DIP2B: variants seen among roughly 807,000 people sequenced by gnomAD.
DIP2B encodes the protein DIP2 acetate--CoA ligase B (putative), also known as disco-interacting protein 2 homolog B.
In DIP2B, 76 loss-of-function variants were observed where a neutral mutation model predicts 198.0. That is an observed-to-expected ratio of 0.38 (90% CI 0.32 to 0.46). DIP2B has a LOEUF of 0.46. DIP2B is among the 20% of genes least tolerant of loss of function. The pLI is 0.99. For missense variants in DIP2B, 1,559 were observed against 1,978.4 expected (o/e 0.79, Z 4.02); for synonymous variants, 701 against 739.1 (o/e 0.95, Z 0.84).
chr12:50,704,562 C>T (rs1483323635), intron 20 of DIP2B, among the ~76,000 whole-genome samples: 1 of 152,108 alleles, frequency 6.6e-6, no homozygotes, highest in Non-Finnish European at 1.5e-5. Context: ...TAGAAGAGTG[C>T]TGGAAAAAGT....
rs1276541154 is a variant in DIP2B at position 50,660,267 on chromosome 12, C to G, written c.375C>G (p.Thr125=). 2 of 1,613,032 alleles carry G rather than the reference C, an allele frequency of 1.2e-6. No homozygotes were observed. The highest frequency in any genetic ancestry group is 2.7e-5 in the African/African-American group (2 of 74,908). The change falls in exon 4 of 38, where the codon ACC becomes ACG. Residue 125 remains threonine, a synonymous_variant. Transcript: ENST00000301180. ...AGAAGATGGCTTTGCCCATGCCAAC[C>G]AAAAGGCGATCCACATTTGTTCAGT... ...KEQKMALPMP[T]KRRSTFVQSP...
At chr12:50,624,269 TAA>T (rs1473245891) in intron 1 of DIP2B, among the ~76,000 whole-genome samples, 1 of 152,158 alleles carries the variant, frequency 6.6e-6, no homozygotes, top group Non-Finnish European at 1.5e-5. Context: ...GTCCTAAGCT[TAA>T]CTCTTTTCTT....
At position 50,727,602 on chromosome 12, in the gene DIP2B, A is replaced by T. The variant is rs1019219774; in HGVS notation, c.3401-101A>T. The T allele has an allele frequency of 2.1e-5, 21 of 1,017,512 alleles. No homozygotes were observed. In the African/African-American group the frequency reaches 2.4e-4, roughly 12 times the overall value. The allele number at this position is 1,017,512 out of a possible 1,614,324, so 63.0% of individuals were successfully genotyped here. On this transcript the variant is annotated intron_variant, in intron 28 of 37. Transcript: ENST00000301180. ...ATATGAGAGGCCTAAGCTTTAGCAA[A>T]TCTGCGAAGCTAAATTTGGCCATAG...
chr12:50,729,656 A>G (rs1017549473), intron 30 of DIP2B, among the ~76,000 whole-genome samples: 2 of 151,566 alleles, frequency 1.3e-5, no homozygotes, highest in African/African-American at 4.8e-5. Flanking sequence ...CATTGTGTTG[A>G]TAGTTCTTCC....
chr12:50,706,489 T>A lies in DIP2B; in HGVS notation c.2407-49T>A, dbSNP rs762742952. 27 of 1,595,016 alleles carry A rather than the reference T, an allele frequency of 1.7e-5. No homozygotes were observed. In the South Asian group the frequency reaches 2.2e-4, roughly 13 times the overall value. ...AGGCAGGAAGTTAAAAGATGTCTGTTTTACTATTTAAATCATGGAAATCAA... is the reference window on the plus strand; with the variant it reads ...AGGCAGGAAGTTAAAAGATGTCTGTATTACTATTTAAATCATGGAAATCAA... On this transcript the variant is annotated intron_variant, in intron 20 of 37. Transcript: ENST00000301180.
chr12:50,640,988 A>G lies in DIP2B; in HGVS notation c.301+136A>G, dbSNP rs562600296. The G allele has an allele frequency of 6.2e-5, 69 of 1,117,344 alleles. No individual in the cohort carries two copies. In the Admixed American group the frequency reaches 7.6e-4, roughly 12 times the overall value. The allele number at this position is 1,117,344 out of a possible 1,614,324, so 69.2% of individuals were successfully genotyped here. A position where few individuals can be genotyped will look rare whatever the true frequency, so the allele number is the denominator to read the frequency against. ...CAGTTTTATATTAACTCATTCACCA[A>G]TCATTTATTTTGTACCCTACTATGT... On this transcript the variant is annotated intron_variant, in intron 3 of 37. Coordinates refer to ENST00000301180, the MANE Select transcript of DIP2B (RefSeq NM_173602.3).
At chr12:50,592,831 A>G (rs1958831536) in intron 1 of DIP2B, among the ~76,000 whole-genome samples, 2 of 152,098 alleles carry the variant, frequency 1.3e-5, no homozygotes, top group Admixed American at 6.5e-5. Flanking sequence ...TTTTTATAAG[A>G]TCGTGCACCT....
Position 50,505,215 on chromosome 12 carries a change from G to A in DIP2B, c.75G>A (p.Ala25=), listed in dbSNP as rs1957955649. The A allele has an allele frequency of 2.6e-6, 4 of 1,519,502 alleles. No homozygotes were observed. The highest frequency in any genetic ancestry group is 3.5e-6 in the Non-Finnish European group (4 of 1,139,514). The allele number at this position is 1,519,502 out of a possible 1,614,324, so 94.1% of individuals were successfully genotyped here. The change falls in exon 1 of 38, where the codon GCG becomes GCA. Residue 25 remains alanine (A), a synonymous_variant. Coordinates refer to ENST00000301180, the MANE Select transcript of DIP2B (RefSeq NM_173602.3). ...ALPPEVRAQL[A]ELELELSEGD... ...CGCCTGAAGTGCGGGCGCAGCTGGC[G>A]GAGCTGGAGCTGGAGCTCTCGGAGG...
intron 1 of DIP2B, among the ~76,000 whole-genome samples, chr12:50,606,539 G>A (rs1593651102): frequency 1.3e-5 from 2 of 152,176 alleles, no homozygotes; most frequent in Admixed American, 1.3e-4. Flanking sequence ...ATGATGCTAT[G>A]AACATGGGTG....
chr12:50,719,353 G>GT (rs1282740411), intron 25 of DIP2B, among the ~76,000 whole-genome samples: 1 of 152,136 alleles, frequency 6.6e-6, no homozygotes, highest in African/African-American at 2.4e-5. Flanking sequence ...ATGTCATACA[G>GT]TTTTTTTACC....
At chr12:50,513,937 G>GT (rs1207215138) in intron 1 of DIP2B, among the ~76,000 whole-genome samples, 1 of 151,316 alleles carries the variant, frequency 6.6e-6, no homozygotes, top group Non-Finnish European at 1.5e-5. Context: ...ACCAGCCTCC[G>GT]TGAGTCCTCT....
At chr12:50,735,839 G>A (rs1317580684) in intron 34 of DIP2B, among the ~76,000 whole-genome samples, 3 of 152,194 alleles carry the variant, frequency 2.0e-5, no homozygotes, top group Non-Finnish European at 4.4e-5. Context: ...GGTCAGGGAA[G>A]ACACACATGC....
chr12:50,588,368 T>C (rs970047855), intron 1 of DIP2B, among the ~76,000 whole-genome samples: 7 of 152,096 alleles, frequency 4.6e-5, no homozygotes, highest in Non-Finnish European at 7.4e-5. Flanking sequence ...CAGGCTGGTC[T>C]TGAACTCCTC....
intron 1 of DIP2B, among the ~76,000 whole-genome samples, chr12:50,562,166 G>A (rs1423381233): frequency 6.6e-6 from 1 of 152,120 alleles, no homozygotes; most frequent in African/African-American, 2.4e-5. Context: ...ACAAAGAGGT[G>A]GAGAAGAAGG....
At chr12:50,705,542 C>T in intron 20 of DIP2B, among the ~76,000 whole-genome samples, 1 of 152,226 alleles carries the variant, frequency 6.6e-6, no homozygotes, top group East Asian at 1.9e-4. Flanking sequence ...CTGAACTAGT[C>T]CTGCAGCCAC....
intron 3 of DIP2B, among the ~76,000 whole-genome samples, chr12:50,645,247 G>A (rs1465712881): frequency 6.6e-6 from 1 of 152,120 alleles, no homozygotes; most frequent in African/African-American, 2.4e-5. Flanking sequence ...AAATAGTCAT[G>A]TTCTTTATCC....
intron 35 of DIP2B, among the ~76,000 whole-genome samples, chr12:50,738,804 G>A (rs1321858467): frequency 6.6e-6 from 1 of 152,120 alleles, no homozygotes; most frequent in Admixed American, 6.5e-5. Flanking sequence ...TTAAATGTTA[G>A]TAGTAGCACC....
At chr12:50,601,330 TA>T (rs1208960302) in intron 1 of DIP2B, among the ~76,000 whole-genome samples, 1 of 143,070 alleles carries the variant, frequency 7.0e-6, no homozygotes, top group East Asian at 2.3e-4. Flanking sequence ...TATATATCTA[TA>T]TATTTTTTTG....
intron 2 of DIP2B, among the ~76,000 whole-genome samples, chr12:50,632,236 C>T (rs1463736604): frequency 1.3e-5 from 2 of 151,784 alleles, no homozygotes; most frequent in Non-Finnish European, 2.9e-5. Context: ...CCTGTACTCC[C>T]GGCACTTTGG....
Sources: allele counts gnomAD v4.1 joint callset (sites outside exome capture counted in the v4.1 genomes callset), GRCh38; gene constraint gnomAD v4.1.1; transcripts MANE v1.5; gene names NCBI Gene and HGNC (gene_info 2026-07-23, HGNC 2026-07-21).